The following HAL variants were observed in gnomAD, a reference collection of about 807,000 sequenced individuals.
HAL encodes the protein histidase.
In HAL, 85 loss-of-function variants were observed where a neutral mutation model predicts 81.1. The observed-to-expected ratio is 1.05, with a 90% CI of 0.88 to 1.25. The LOEUF is 1.25. Among genes scored for constraint, HAL ranks in the 50% most tolerant of loss-of-function variants. HAL has a pLI of 0.00. For synonymous variants in HAL, 301 were observed against 309.2 expected, an observed-to-expected ratio of 0.97 and a Z score of 0.28; for missense variants, 798 against 836.6, an observed-to-expected ratio of 0.95 and a Z score of 0.57.
chr12:95,980,890 A>G (rs758462971), intron 15 of HAL, 27 bp from the exon 16 acceptor site: 1 of 1,387,334 alleles, frequency 7.2e-7, no homozygotes, highest in Non-Finnish European at 1.0e-6. Flanking sequence ...AGGCTTGAAG[A>G]TAATGTTTGC....
At chr12:95,987,954 T>C (rs1234021650) in intron 11 of HAL, among the ~76,000 whole-genome samples, 5 of 151,798 alleles carry the variant, frequency 3.3e-5, no homozygotes, top group Non-Finnish European at 5.9e-5. Flanking sequence ...CTCAAACTCC[T>C]GAGCTCAGGC....
rs760287096 is a variant in HAL, at chr12:95,987,185, C to A, written c.933G>T (p.Met311Ile). 1 of 1,613,766 alleles carries A rather than the reference C, an allele frequency of 6.2e-7. No individual in the cohort carries two copies. Among genetic ancestry groups the A allele is most frequent in the South Asian group, 1.1e-5 (1 of 91,060 alleles). The part of the protein sequence containing the change: ...EGLALINGTQ[M>I]ITSLGCEAVE... ...CAGCTTCACAGCCCAGGGATGTGATCATCTGCGTCCCATTGATGAGTGCCA... is the reference window on the plus strand; with the variant it reads ...CAGCTTCACAGCCCAGGGATGTGATAATCTGCGTCCCATTGATGAGTGCCA... Residue 311 changes from methionine to isoleucine, a missense_variant, in exon 12 of 21, where the codon ATG becomes ATT. By Grantham distance (10) the Met-to-Ile change is conservative (BLOSUM62 1). Transcript: ENST00000261208.
chr12:95,984,403 C>A (rs1949851486), intron 14 of HAL, among the ~76,000 whole-genome samples: 2 of 152,232 alleles, frequency 1.3e-5, no homozygotes, highest in South Asian at 4.1e-4. Flanking sequence ...TAAAATAATG[C>A]AAACAAATTC....
At position 95,995,853 on chromosome 12, in the gene HAL, C is replaced by A. The variant is rs200511325; in HGVS notation, c.58G>T (p.Ala20Ser). Reference sequence around the variant, plus strand: ...CCCAGCCAGCCCACAGTGAGCTGCGCGTCCTGGCAGGGCACTGCCAGCCAT... The same window carrying A: ...CCCAGCCAGCCCACAGTGAGCTGCGAGTCCTGGCAGGGCACTGCCAGCCAT... The part of the protein sequence containing the change: ...GEWLAVPCQD[A>S]QLTVGWLGRE... The change falls in exon 2 of 21, where the codon GCG (alanine) becomes TCG (serine). Residue 20 changes from alanine (A) to serine (S), a missense_variant. Transcript: ENST00000261208. 1.2e-6 allele frequency: 2 copies of A among 1,609,868 alleles called. No individual in the cohort carries two copies. The highest frequency in any genetic ancestry group is 1.7e-6 in the Non-Finnish European group (2 of 1,179,850).
At chr12:95,987,010 C>T in intron 12 of HAL, 57 bp downstream of exon 12, 1 of 1,483,600 alleles carries the variant, frequency 6.7e-7, no homozygotes, top group East Asian at 2.3e-5. Flanking sequence ...TCTCAGCCAC[C>T]CCGCCCCACC....
rs748160771 is a variant in HAL at position 95,976,686 on chromosome 12, C to T, written c.1675G>A (p.Ala559Thr). Residue 559 changes from alanine to threonine, a missense_variant, in exon 19 of 21, where the codon GCA becomes ACA. Physicochemically the swap from Ala to Thr is moderately conservative, Grantham distance 58 (BLOSUM62 0). Transcript: ENST00000261208. ...AGAAACTCTATGCCCTGGCAGGCTGCAAGGAGCTCGATGGCCAGCACTGAA... is the reference window on the plus strand; with the variant it reads ...AGAAACTCTATGCCCTGGCAGGCTGTAAGGAGCTCGATGGCCAGCACTGAA... ...VEQVLAIELL[A>T]ACQGIEFLRP... 1.9e-6 allele frequency: 3 copies of T among 1,610,984 alleles called. No homozygotes were observed. The South Asian group carries it at 3.3e-5, about 18-fold the overall frequency.
At position 95,993,816 on chromosome 12, in the gene HAL, AC is replaced by A; in HGVS notation, c.506del (p.Gly169ValfsTer9). On this transcript the variant is annotated frameshift_variant, in exon 7 of 21. Coordinates refer to ENST00000261208, the MANE Select transcript of HAL (RefSeq NM_002108.4). LOFTEE classifies it high-confidence loss of function. The stretch of plus-strand genomic sequence containing the variant: ...TTACAGTTCTGGCAAATTTCCCAAA[AC>A]CTGTAGTAATACCGTAAACAACTAG... ...EKTVVYGITT[G>X]FGKFARTVIP... 1 of 1,581,358 alleles carries A rather than the reference AC, an allele frequency of 6.3e-7. No homozygotes were observed. Among genetic ancestry groups the A allele is most frequent in the African/African-American group, 1.3e-5 (1 of 74,348 alleles).
At chr12:95,993,620 C>T (rs1162404582) in intron 7 of HAL, 132 bp from the exon 8 acceptor site, 1 of 849,264 alleles carries the variant, frequency 1.2e-6, no homozygotes, top group South Asian at 1.4e-5. Flanking sequence ...AACCAGCCAG[C>T]CTGGGTTTTC....
intron 2 of HAL, 146 bp from the exon 3 acceptor site, chr12:95,995,139 A>C: frequency 1.4e-6 from 1 of 717,896 alleles, no homozygotes; most frequent in Non-Finnish European, 2.5e-6. Flanking sequence ...ATGTGGTCTT[A>C]GCATCTTTAT....
chr12:95,990,280 G>A (rs914727977), intron 10 of HAL, 113 bp downstream of exon 10: 29 of 864,300 alleles, frequency 3.4e-5, no homozygotes, highest in Non-Finnish European at 5.4e-5. Context: ...AGTAAGGATA[G>A]TAGGAGCTCC....
At chr12:95,983,604 G>C (rs1484697449) in intron 15 of HAL, 3 of 423,492 alleles carry the variant, frequency 7.1e-6, no homozygotes, top group African/African-American at 4.0e-5. Context: ...GTGGGTTTTA[G>C]GGCCAGTGTC....
intron 17 of HAL, among the ~76,000 whole-genome samples, chr12:95,980,009 T>C (rs1375951451): frequency 1.3e-5 from 2 of 152,246 alleles, no homozygotes; most frequent in Admixed American, 1.3e-4. Flanking sequence ...TCTCTTACAA[T>C]CTTGAGTCAG....
intron 7 of HAL, 123 bp downstream of exon 7, chr12:95,993,649 A>G: frequency 2.4e-6 from 2 of 827,150 alleles, no homozygotes; most frequent in South Asian, 2.8e-5. Flanking sequence ...CTCACATGCA[A>G]GGTAACCCAA....
In HAL at chr12:95,980,428, A is replaced by G. The variant is rs2080776132; in HGVS notation, c.1519+128T>C. ...AACCTGTTACCTTTGCACTGAGAGA[A>G]CTAGGATGCAGATAAAAGTGGTGAA... On this transcript the variant is annotated intron_variant, in intron 17 of 20. Transcript: ENST00000261208. 5 of 854,188 alleles carry G rather than the reference A, an allele frequency of 5.9e-6. No individual in the cohort carries two copies. In the Admixed American group the frequency reaches 7.7e-5, roughly 13 times the overall value. The allele number at this position is 854,188 out of a possible 1,614,324, so 52.9% of individuals were successfully genotyped here.
intron 8 of HAL, 100 bp from the exon 9 acceptor site, chr12:95,992,905 G>A: frequency 1.9e-6 from 2 of 1,038,754 alleles, no homozygotes; most frequent in South Asian, 1.3e-5. Context: ...ATGTAGCCCA[G>A]CCTGCTATTA....
In HAL at chr12:95,974,120, A is replaced by G. The variant is rs113494711; in HGVS notation, c.*112T>C. On this transcript the variant is annotated 3_prime_UTR_variant, in exon 21 of 21. Coordinates refer to ENST00000261208, the MANE Select transcript of HAL (RefSeq NM_002108.4). ...CCAACGTAGGCTTTAGAAGAACTGA[A>G]TGATACAATGGATTGATCTACCTAG... 272 of 940,942 alleles carry G rather than the reference A, an allele frequency of 2.9e-4. 2 individuals carry two copies. The African/African-American group carries it at 3.6e-3, about 13-fold the overall frequency. The allele number at this position is 940,942 out of a possible 1,614,324, so 58.3% of individuals were successfully genotyped here. A position where few individuals can be genotyped will look rare whatever the true frequency, so the allele number is the denominator to read the frequency against.
At chr12:95,987,699 T>C (rs918800922) in intron 11 of HAL, among the ~76,000 whole-genome samples, 1 of 152,174 alleles carries the variant, frequency 6.6e-6, no homozygotes, top group Non-Finnish European at 1.5e-5. Context: ...CTATGCATTG[T>C]GGCATGAAGA....
At chr12:95,976,813 T>G (rs2080726614) in intron 18 of HAL, 107 bp from the exon 19 acceptor site, 4 of 749,242 alleles carry the variant, frequency 5.3e-6, no homozygotes, top group Admixed American at 4.0e-5. Flanking sequence ...TAACAGATGG[T>G]TTGTTCTCTG....
At chr12:95,975,491 A>C (rs2080706744) in intron 20 of HAL, among the ~76,000 whole-genome samples, 1 of 152,140 alleles carries the variant, frequency 6.6e-6, no homozygotes, top group Non-Finnish European at 1.5e-5. Flanking sequence ...CAGCCTTGGC[A>C]ACATAGCAAG....
Sources: allele counts gnomAD v4.1 joint callset (sites outside exome capture counted in the v4.1 genomes callset), GRCh38; gene constraint gnomAD v4.1.1; transcripts MANE v1.5; gene names NCBI Gene and HGNC (gene_info 2026-07-23, HGNC 2026-07-21).